FER: variants seen among roughly 807,000 people sequenced by gnomAD.
FER encodes tyrosine-protein kinase Fer.
In FER, 63 loss-of-function variants were observed where a neutral mutation model predicts 111.0. That is an observed-to-expected ratio of 0.57 (90% CI 0.46 to 0.70). FER has a LOEUF of 0.70. FER is among the 30% of genes least tolerant of loss of function. The pLI is 0.00. For synonymous variants in FER, 327 were observed against 313.9 expected, an observed-to-expected ratio of 1.04 and a Z score of -0.44; for missense variants, 914 against 954.0, an observed-to-expected ratio of 0.96 and a Z score of 0.55.
intron 17 of FER, among the ~76,000 whole-genome samples, chr5:109,150,763 T>G (rs1754748013): frequency 6.6e-6 from 1 of 152,198 alleles, no homozygotes. Context: ...TTATTGAAAA[T>G]GAAATTTCAT....
At chr5:109,135,166 T>A (rs189752943) in intron 17 of FER, among the ~76,000 whole-genome samples, 1 of 152,146 alleles carries the variant, frequency 6.6e-6, no homozygotes, top group Non-Finnish European at 1.5e-5. Context: ...GGGGAAATGG[T>A]TGGAGATAAA....
At chr5:108,931,454 A>G (rs1754664216) in intron 10 of FER, among the ~76,000 whole-genome samples, 1 of 152,168 alleles carries the variant, frequency 6.6e-6, no homozygotes, top group Non-Finnish European at 1.5e-5. Flanking sequence ...TTTATATCCA[A>G]GGGCCTCTCC....
At chr5:108,851,348 C>G (rs1168794714) in intron 5 of FER, among the ~76,000 whole-genome samples, 1 of 152,144 alleles carries the variant, frequency 6.6e-6, no homozygotes, top group East Asian at 1.9e-4. Context: ...GAGACTTATT[C>G]ACGTGAGATT....
At chr5:108,844,079 T>C (rs1342723333) in intron 5 of FER, among the ~76,000 whole-genome samples, 3 of 144,402 alleles carry the variant, frequency 2.1e-5, no homozygotes, top group African/African-American at 8.1e-5. Flanking sequence ...TGTGTGAACA[T>C]ATATGCGTGT....
Position 108,897,786 on chromosome 5 carries a change from G to T in FER, c.1174G>T (p.Asp392Tyr), listed in dbSNP as rs146594490. The change falls in exon 10 of 20, where the codon GAT (aspartate) becomes TAT (tyrosine). Residue 392 changes from aspartate to tyrosine, a missense_variant. Transcript: ENST00000281092. ...ACTAGAGCAAAAAGTGCAAGAAAAT[G>T]ATGGGAAAGAGCCACCTCCAGTAGT... is the stretch of plus-strand genomic sequence containing the variant. The part of the protein sequence containing the change: ...ELLEQKVQEN[D>Y]GKEPPPVVNY... 1,364 of 1,613,646 alleles carry T rather than the reference G, an allele frequency of 8.5e-4. No individual in the cohort carries two copies. Among genetic ancestry groups the T allele is most frequent in the Non-Finnish European group, 1.0e-3 (1,185 of 1,179,760 alleles).
intron 16 of FER, chr5:109,051,635 C>A: frequency 6.3e-7 from 1 of 1,586,162 alleles, no homozygotes; most frequent in Non-Finnish European, 8.7e-7. Context: ...GAGAGGGGAG[C>A]AGTTGGTGAG....
intron 3 of FER, among the ~76,000 whole-genome samples, chr5:108,805,167 T>A (rs1307756308): frequency 6.6e-6 from 1 of 152,078 alleles, no homozygotes; most frequent in Non-Finnish European, 1.5e-5. Flanking sequence ...CCTGGGCTGT[T>A]CTCGTGATAG....
intron 8 of FER, among the ~76,000 whole-genome samples, chr5:108,873,177 CT>C (rs1365615229): frequency 6.6e-6 from 1 of 152,008 alleles, no homozygotes. Flanking sequence ...TGAGGTCTCA[CT>C]TTGTGGCCCA....
chr5:109,086,083 C>G (rs987044671), intron 16 of FER, among the ~76,000 whole-genome samples: 1 of 151,638 alleles, frequency 6.6e-6, no homozygotes, highest in African/African-American at 2.4e-5. Context: ...TTCTCCTTTT[C>G]TAAGAAAATT....
intron 2 of FER, among the ~76,000 whole-genome samples, chr5:108,772,122 T>C (rs562637866): frequency 6.6e-6 from 1 of 152,034 alleles, no homozygotes; most frequent in Non-Finnish European, 1.5e-5. Context: ...CTCTGCAGCC[T>C]CTTTTATAGG....
At chr5:109,138,387 G>A (rs1480703584) in intron 17 of FER, among the ~76,000 whole-genome samples, 4 of 152,082 alleles carry the variant, frequency 2.6e-5, no homozygotes, top group Non-Finnish European at 5.9e-5. Context: ...AACAGTTTCT[G>A]GGAATCCAAG....
intron 2 of FER, among the ~76,000 whole-genome samples, chr5:108,774,144 C>A (rs569214190): frequency 1.3e-5 from 2 of 151,796 alleles, no homozygotes; most frequent in African/African-American, 4.8e-5. Flanking sequence ...TGAGTGAGAA[C>A]GTGGGATGTT....
At chr5:109,082,880 A>G (rs944787198) in intron 16 of FER, among the ~76,000 whole-genome samples, 1 of 151,972 alleles carries the variant, frequency 6.6e-6, no homozygotes, top group Non-Finnish European at 1.5e-5. Flanking sequence ...ACTGTTCATC[A>G]TGTGGAAATC....
chr5:108,810,170 T>C (rs189324060), intron 3 of FER, among the ~76,000 whole-genome samples: 1 of 152,374 alleles, frequency 6.6e-6, no homozygotes, highest in East Asian at 1.9e-4. Flanking sequence ...TAATGTCTTT[T>C]TGGCTCTGCC....
rs998187650 is a variant in FER, at chr5:108,968,111, G to A, written c.1656+8764G>A. On this transcript the variant is annotated intron_variant, in intron 13 of 19. Coordinates refer to ENST00000281092, the MANE Select transcript of FER (RefSeq NM_005246.4). ...CAAAAATTACCTGCTAAAAGTGGCCGGGCACAGTGGCTCAGGCCTGTAATC... is the reference window on the plus strand; with the variant it reads ...CAAAAATTACCTGCTAAAAGTGGCCAGGCACAGTGGCTCAGGCCTGTAATC... Among the ~76,000 whole-genome samples the A allele has an allele frequency of 7.6e-4, 116 of 152,258 alleles. 1 individual carries two copies. Among genetic ancestry groups the A allele is most frequent in the Non-Finnish European group, 2.2e-4 (15 of 68,012 alleles).
intron 3 of FER, among the ~76,000 whole-genome samples, chr5:108,800,534 A>ATTTAT (rs1756527043): frequency 6.6e-6 from 1 of 152,064 alleles, no homozygotes; most frequent in Admixed American, 6.6e-5. Context: ...TTTTTATTTT[A>ATTTAT]TAGAAACGGG....
At chr5:109,044,097 C>G (rs540318101) in intron 14 of FER, among the ~76,000 whole-genome samples, 97 of 151,856 alleles carry the variant, frequency 6.4e-4, no homozygotes, top group African/African-American at 2.3e-3. Flanking sequence ...TCTTGTTTAT[C>G]TTCTCGGTAA....
chr5:108,985,644 A>G (rs1034803858), intron 13 of FER, among the ~76,000 whole-genome samples: 2 of 152,076 alleles, frequency 1.3e-5, no homozygotes, highest in Non-Finnish European at 2.9e-5. Context: ...ATGCCTTTGC[A>G]TCCTCATAGC....
intron 16 of FER, among the ~76,000 whole-genome samples, chr5:109,090,412 T>C (rs74414497): frequency 0.011 from 1,601 of 152,206 alleles, 22 homozygotes; most frequent in African/African-American, 0.037. Flanking sequence ...TTTGTAAATG[T>C]ACAAACTTAG....
Sources: allele counts gnomAD v4.1 joint callset (sites outside exome capture counted in the v4.1 genomes callset), GRCh38; gene constraint gnomAD v4.1.1; transcripts MANE v1.5; gene names NCBI Gene and HGNC (gene_info 2026-07-23, HGNC 2026-07-21).